Variants in PC observed in about 807,000 individuals in gnomAD.
PC encodes the protein pyruvate carboxylase, mitochondrial.
PC carries 46 observed loss-of-function variants against 107.8 expected under a neutral mutation model. That is an observed-to-expected ratio of 0.43 (90% CI 0.34 to 0.55). The LOEUF (loss-of-function observed/expected upper bound fraction) is 0.55. Ranked by LOEUF, PC falls within the 20% of genes least tolerant of loss-of-function variation. The probability of loss-of-function intolerance (pLI) is 0.04; values close to 1 mark genes in which losing one functional copy is unlikely to be tolerated. For synonymous variants in PC, 662 were observed against 684.7 expected (o/e 0.97, Z 0.52); for missense variants, 1,241 against 1,643.1 (o/e 0.76, Z 4.23).
chr11:66,910,325 C>T (rs1948298250), intron 3 of PC, among the ~76,000 whole-genome samples: 1 of 152,146 alleles, frequency 6.6e-6, no homozygotes, highest in African/African-American at 2.4e-5. Context: ...ATGGTCCATC[C>T]TGCAGAAAGC....
intron 12 of PC, chr11:66,860,062 G>A: frequency 6.4e-7 from 1 of 1,565,952 alleles, no homozygotes. Context: ...GGAGATGCCG[G>A]GTGCTACGGT....
At position 66,860,027 on chromosome 11, in the gene PC, G is replaced by A. The variant is rs115201526; in HGVS notation, c.1368+3747C>T. ...CGCCGCGGAGCCCCCCGCCCCGGCC[G>A]CAGCGCAGCTGCTCTCTGGACCTGG... On this transcript the variant is annotated intron_variant, in intron 12 of 22. Coordinates refer to ENST00000393960, the MANE Select transcript of PC (RefSeq NM_001040716.2). 2,741 of 1,584,182 alleles carry A rather than the reference G, an allele frequency of 1.7e-3. 54 individuals are homozygous for A. In the African/African-American group the frequency reaches 0.031, roughly 18 times the overall value.
chr11:66,848,890 G>C lies in PC; in HGVS notation c.*9C>G. ...TTGGGGATGGCCAGGCTGCCGGTCTGGGGCAAGATCACTCGATCTCCAGGA... is the reference window on the plus strand; with the variant it reads ...TTGGGGATGGCCAGGCTGCCGGTCTCGGGCAAGATCACTCGATCTCCAGGA... On this transcript the variant is annotated 3_prime_UTR_variant, in exon 23 of 23. Transcript: ENST00000393960. 6.2e-7 allele frequency: 1 copy of C among 1,613,682 alleles called. No homozygotes were observed. The highest frequency in any genetic ancestry group is 1.1e-5 in the South Asian group (1 of 91,078).
At position 66,852,266 on chromosome 11, in the gene PC, C is replaced by T. The variant is rs1372380598; in HGVS notation, c.1825+173G>A. 6.6e-6 allele frequency among the ~76,000 whole-genome samples: 1 copy of T among 152,244 alleles called. No homozygotes were observed. Among genetic ancestry groups the T allele is most frequent in the Non-Finnish European group, 1.5e-5 (1 of 68,046 alleles). ...GATGCACCTGGTCTCAGCTCTGCAA[C>T]CTCGTGCCGGCACCAGGCCTGGCCG... is the stretch of plus-strand genomic sequence containing the variant. On this transcript the variant is annotated intron_variant, in intron 15 of 22. Coordinates refer to ENST00000393960, the MANE Select transcript of PC (RefSeq NM_001040716.2). This position sits in a 1 kb window ranked among gnomAD's most constrained non-coding sequence, Gnocchi z 4.7.
chr11:66,948,957 T>A (rs984084964), intron 3 of PC, among the ~76,000 whole-genome samples: 7 of 152,048 alleles, frequency 4.6e-5, no homozygotes, highest in East Asian at 1.9e-4. Context: ...AGGGTTTTTT[T>A]AATCAGAAAA....
rs533940395 is a variant in PC at position 66,848,639 on chromosome 11, G to C, written c.*260C>G. On this transcript the variant is annotated 3_prime_UTR_variant, in exon 23 of 23. Transcript: ENST00000393960. ...CCTCCCCTGGGTCCTAGGACCACCT[G>C]ACCCACCACTTGTAGTCTCCAGTGA... 6 of 609,710 alleles carry C rather than the reference G, an allele frequency of 9.8e-6. No homozygotes were observed. The highest frequency in any genetic ancestry group is 3.7e-5 in the African/African-American group (2 of 54,186). The allele number at this position is 609,710 out of a possible 1,614,324, so 37.8% of individuals were successfully genotyped here. A position where few individuals can be genotyped will look rare whatever the true frequency, so the allele number is the denominator to read the frequency against.
At chr11:66,953,235 C>A (rs115711105) in intron 2 of PC, among the ~76,000 whole-genome samples, 1 of 152,224 alleles carries the variant, frequency 6.6e-6, no homozygotes, top group Non-Finnish European at 1.5e-5. Flanking sequence ...GCCTCAGGCC[C>A]GCTTTCTCTG....
At position 66,863,759 on chromosome 11, in the gene PC, G is replaced by A. The variant is rs1946374611; in HGVS notation, c.1368+15C>T. On this transcript the variant is annotated intron_variant, in intron 12 of 22. Coordinates refer to ENST00000393960, the MANE Select transcript of PC (RefSeq NM_001040716.2). ...GGGCCGGGAGCAAAGGCAGGCGGGGGCTGCAGCCTCTCACCTTCACACCTC... is the reference window on the plus strand; with the variant it reads ...GGGCCGGGAGCAAAGGCAGGCGGGGACTGCAGCCTCTCACCTTCACACCTC... 2 of 1,601,198 alleles carry A rather than the reference G, an allele frequency of 1.2e-6. No homozygotes were observed. The highest frequency in any genetic ancestry group is 1.1e-5 in the South Asian group (1 of 90,524).
At chr11:66,930,017 C>T (rs147118819) in intron 3 of PC, among the ~76,000 whole-genome samples, 133 of 152,136 alleles carry the variant, frequency 8.7e-4, no homozygotes, top group African/African-American at 3.1e-3. Context: ...AGCCCAGCCA[C>T]GGTGGGAAAT....
At chr11:66,904,512 C>T (rs996343245) in intron 3 of PC, among the ~76,000 whole-genome samples, 2 of 152,212 alleles carry the variant, frequency 1.3e-5, no homozygotes, top group Non-Finnish European at 2.9e-5. Flanking sequence ...GTGGCATGCG[C>T]CTGTAGTCCC....
intron 12 of PC, 139 bp from the exon 13 acceptor site, chr11:66,853,522 T>A: frequency 1.0e-6 from 1 of 988,482 alleles, no homozygotes; most frequent in African/African-American, 1.6e-5. Context: ...AGAGGGGCAC[T>A]TCCCCGTCCC....
intron 3 of PC, among the ~76,000 whole-genome samples, chr11:66,880,850 A>C (rs1403618808): frequency 2.0e-5 from 3 of 152,240 alleles, no homozygotes; most frequent in Admixed American, 6.5e-5. Flanking sequence ...ATGGCAATCA[A>C]GAAGTTCTCA....
chr11:66,878,300 G>A (rs1470143745), intron 3 of PC, among the ~76,000 whole-genome samples: 1 of 152,136 alleles, frequency 6.6e-6, no homozygotes, highest in Non-Finnish European at 1.5e-5. Context: ...GCGACCACAG[G>A]GGCACTTACC....
rs748437667 is a variant in PC at position 66,857,750 on chromosome 11, C to T, written c.1369-4367G>A. The T allele has an allele frequency of 6.3e-7, 1 of 1,592,058 alleles. No individual in the cohort carries two copies. Among genetic ancestry groups the T allele is most frequent in the Admixed American group, 1.7e-5 (1 of 59,748 alleles). On this transcript the variant is annotated intron_variant, in intron 12 of 22. Transcript: ENST00000393960. This position sits in a 1 kb window ranked among gnomAD's most constrained non-coding sequence, Gnocchi z 7.1. The stretch of plus-strand genomic sequence containing the variant: ...CTTCCTACAGGGCGCTCACCATGGC[C>T]CCGCCGCTCCTGCTGCTGCTGCTGG...
intron 3 of PC, among the ~76,000 whole-genome samples, chr11:66,886,495 G>A (rs1214539894): frequency 6.6e-6 from 1 of 152,160 alleles, no homozygotes; most frequent in African/African-American, 2.4e-5. Context: ...CTGGATTTGA[G>A]AAGGAAAGAT....
intron 3 of PC, among the ~76,000 whole-genome samples, chr11:66,944,908 T>C (rs1181895686): frequency 8.5e-6 from 1 of 117,520 alleles, no homozygotes; most frequent in Admixed American, 8.1e-5. Flanking sequence ...CCTGGGGCCA[T>C]ACCCAGTGAC....
Position 66,866,208 on chromosome 11 carries a change from C to T in PC, c.1164G>A (p.Gln388=), listed in dbSNP as rs1946484889. Residue 388 remains glutamine, a synonymous_variant, in exon 11 of 23, where the codon CAG becomes CAA. Coordinates refer to ENST00000393960, the MANE Select transcript of PC (RefSeq NM_001040716.2). The surrounding 1 kb of genome is among the most constrained non-coding windows in gnomAD (Gnocchi z 5.4). ...VTTEDPARSF[Q]PDTGRIEVFR... is the part of the protein sequence containing the mutation. ...CCACCTCAATGCGGCCGGTGTCCGG[C>T]TGGAAGCTGCGCGCGGGGTCCTCGG... The T allele has an allele frequency of 1.9e-6, 3 of 1,610,372 alleles. No homozygotes were observed. The highest frequency in any genetic ancestry group is 2.2e-5 in the South Asian group (2 of 90,964).
chr11:66,863,442 T>C (rs1946359928), intron 12 of PC, among the ~76,000 whole-genome samples: 1 of 152,230 alleles, frequency 6.6e-6, no homozygotes, highest in Non-Finnish European at 1.5e-5. Context: ...CCTGATGATA[T>C]TTAACACACA....
At chr11:66,918,593 G>A (rs1463670978) in intron 3 of PC, among the ~76,000 whole-genome samples, 3 of 151,696 alleles carry the variant, frequency 2.0e-5, no homozygotes, top group South Asian at 4.2e-4. Flanking sequence ...GGATGGTCTC[G>A]AACTCCTGAG....
Sources: gnomAD v4.1 joint callset for allele counts (sites outside exome capture counted in the v4.1 genomes callset) on GRCh38, gnomAD v4.1.1 for gene constraint, Gnocchi (gnomAD v3.1) non-coding constraint, MANE v1.5 for transcripts, NCBI Gene and HGNC (gene_info 2026-07-23, HGNC 2026-07-21) for gene names.